TSPAN7: variants seen among roughly 807,000 people sequenced by gnomAD.
The protein encoded by TSPAN7 is tetraspanin-7.
TSPAN7 carries 1 observed loss-of-function variant against 17.6 expected under a neutral mutation model. The ratio of observed to expected loss-of-function variants is 0.06; its 90% confidence interval spans 0.02 to 0.27. TSPAN7 has a LOEUF of 0.27. Ranked by LOEUF, TSPAN7 falls within the 10% of genes least tolerant of loss-of-function variation. The pLI is 1.00. For synonymous variants in TSPAN7, 78 were observed against 79.0 expected (o/e 0.99, Z 0.07); for missense variants, 112 against 201.7 (o/e 0.56, Z 2.69).
intron 1 of TSPAN7, among the ~76,000 whole-genome samples, chrX:38,623,873 T>G (rs2069504213): frequency 9.3e-6 from 1 of 106,954 alleles, no homozygotes; most frequent in African/African-American, 3.4e-5. Flanking sequence ...TCCTAAATTA[T>G]GCTCTAGATA....
chrX:38,567,552 A>G (rs748903205), intron 1 of TSPAN7, among the ~76,000 whole-genome samples: 17 of 112,490 alleles, frequency 1.5e-4, no homozygotes, highest in Admixed American at 1.4e-3. Context: ...CAGCCAAACC[A>G]TATCAGGCAC....
chrX:38,666,421 T>G, intron 2 of TSPAN7, 112 bp downstream of exon 2: 1 of 820,033 alleles, frequency 1.2e-6, no homozygotes, highest in Non-Finnish European at 1.8e-6. Flanking sequence ...CTTAACAATT[T>G]CAGTCCAGAC....
chrX:38,575,820 A>G (rs1227279653), intron 1 of TSPAN7, among the ~76,000 whole-genome samples: 11 of 112,199 alleles, frequency 9.8e-5, no homozygotes, highest in Non-Finnish European at 2.1e-4. Flanking sequence ...TTGTCAGACT[A>G]TTAATTAATA....
intron 5 of TSPAN7, among the ~76,000 whole-genome samples, chrX:38,679,342 C>T (rs1012719760): frequency 8.9e-6 from 1 of 112,124 alleles, no homozygotes; most frequent in African/African-American, 3.2e-5. Context: ...GGACCTCATT[C>T]TTTAGCCCCA....
chrX:38,565,293 G>A (rs1444948117), intron 1 of TSPAN7, among the ~76,000 whole-genome samples: 1 of 112,058 alleles, frequency 8.9e-6, no homozygotes, highest in Non-Finnish European at 1.9e-5. Context: ...GCAGTGGTGT[G>A]ACCTCAGCTC....
intron 1 of TSPAN7, among the ~76,000 whole-genome samples, chrX:38,600,272 T>C (rs2069338823): frequency 9.0e-6 from 1 of 111,623 alleles, no homozygotes; most frequent in Non-Finnish European, 1.9e-5. Flanking sequence ...TCCATATATT[T>C]TTAGTAACAG....
chrX:38,618,697 C>T (rs2069470680), intron 1 of TSPAN7, among the ~76,000 whole-genome samples: 1 of 111,879 alleles, frequency 8.9e-6, no homozygotes, highest in African/African-American at 3.3e-5. Flanking sequence ...TTCCTTTGCT[C>T]AGTGAGTTCA....
intron 1 of TSPAN7, among the ~76,000 whole-genome samples, chrX:38,602,378 A>G (rs1308137219): frequency 9.0e-6 from 1 of 111,470 alleles, no homozygotes; most frequent in African/African-American, 3.3e-5. Context: ...ATAAAAATGA[A>G]CTCTCATATG....
At chrX:38,656,215 C>T in intron 1 of TSPAN7, 2 of 187,968 alleles carry the variant, frequency 1.1e-5, no homozygotes, top group South Asian at 1.8e-4. Flanking sequence ...ATTCCTTCCC[C>T]ACATGACTCT....
intron 1 of TSPAN7, among the ~76,000 whole-genome samples, chrX:38,575,512 TGAGA>T (rs1009230527): frequency 9.0e-6 from 1 of 111,710 alleles, no homozygotes. Context: ...TTCATTTCAG[TGAGA>T]GAAACTAGAT....
chrX:38,622,972 G>A, intron 1 of TSPAN7: 1 of 331,647 alleles, frequency 3.0e-6, no homozygotes, highest in Non-Finnish European at 5.9e-6. Flanking sequence ...TGGTATGGAA[G>A]ATGGAACCGA....
intron 1 of TSPAN7, among the ~76,000 whole-genome samples, chrX:38,651,084 A>G (rs112780328): frequency 1.8e-4 from 19 of 104,939 alleles, no homozygotes; most frequent in African/African-American, 6.9e-4. Flanking sequence ...GTTAATAACA[A>G]TCCCATGAGG....
chrX:38,598,452 TTTC>T (rs1311849545), intron 1 of TSPAN7, among the ~76,000 whole-genome samples: 6 of 111,470 alleles, frequency 5.4e-5, no homozygotes, highest in Non-Finnish European at 7.6e-5. Context: ...ATACCCTTTT[TTTC>T]TTCTTCTTCT....
chrX:38,575,643 C>A (rs1341835874), intron 1 of TSPAN7, among the ~76,000 whole-genome samples: 1 of 111,172 alleles, frequency 9.0e-6, no homozygotes. Context: ...AAATAAAATC[C>A]TATGAGAAAA....
intron 1 of TSPAN7, among the ~76,000 whole-genome samples, chrX:38,650,614 A>G (rs1326471830): frequency 1.8e-5 from 2 of 112,502 alleles, no homozygotes; most frequent in Non-Finnish European, 3.8e-5. Flanking sequence ...TCACTGGGCC[A>G]GTCACTTTCA....
In TSPAN7 at chrX:38,688,713, TTC is replaced by T. The variant is rs1193000713; in HGVS notation, c.*788_*789del. 8.9e-6 allele frequency: 1 copy of T among 112,723 alleles called. No homozygotes were observed. Among genetic ancestry groups the T allele is most frequent in the Non-Finnish European group, 1.9e-5 (1 of 53,310 alleles). The allele number at this position is 112,723 out of a possible 1,213,427, so 9.3% of individuals were successfully genotyped here. On this transcript the variant is annotated 3_prime_UTR_variant, in exon 8 of 8. Coordinates refer to ENST00000378482, the MANE Select transcript of TSPAN7 (RefSeq NM_004615.4). ...AATTGCTATTGTGTTATTTTACTAC[TTC>T]TCTCTGTATTTTTTCTTGCATTGAC...
chrX:38,658,323 G>C (rs1432810486), intron 1 of TSPAN7, among the ~76,000 whole-genome samples: 1 of 109,286 alleles, frequency 9.2e-6, no homozygotes, highest in Non-Finnish European at 1.9e-5. Flanking sequence ...TGGGACTACA[G>C]GCATGTGCTG....
intron 1 of TSPAN7, among the ~76,000 whole-genome samples, chrX:38,572,864 A>G (rs1176913069): frequency 8.9e-6 from 1 of 111,742 alleles, no homozygotes; most frequent in Non-Finnish European, 1.9e-5. Context: ...TCATATTTTG[A>G]ACTGTATCAC....
chrX:38,571,075 G>A (rs2069167180), intron 1 of TSPAN7: 1 of 111,673 alleles, frequency 9.0e-6, no homozygotes, highest in Non-Finnish European at 1.9e-5. Flanking sequence ...TTAGTGTAAA[G>A]CATTTAAAAT....
Sources: gnomAD v4.1 joint callset for allele counts (sites outside exome capture counted in the v4.1 genomes callset) on GRCh38, gnomAD v4.1.1 for gene constraint, MANE v1.5 for transcripts, NCBI Gene and HGNC (gene_info 2026-07-23, HGNC 2026-07-21) for gene names.